SLC4A5: variants seen among roughly 807,000 people sequenced by gnomAD.
SLC4A5 encodes the protein solute carrier family 4 member 5.
A neutral mutation model predicts 120.4 loss-of-function variants in SLC4A5; 96 were observed. The observed-to-expected ratio is 0.80, with a 90% CI of 0.68 to 0.94. The LOEUF (loss-of-function observed/expected upper bound fraction) is 0.94, where lower values mean the gene tolerates loss of function less well. SLC4A5 is among the 40% of genes least tolerant of loss of function. The pLI is 0.00. For synonymous variants in SLC4A5, 550 were observed against 571.1 expected (o/e 0.96, Z 0.53); for missense variants, 1,259 against 1,459.5 (o/e 0.86, Z 2.24).
intron 7 of SLC4A5, among the ~76,000 whole-genome samples, chr2:74,286,672 A>C (rs1671994266): frequency 1.3e-5 from 2 of 152,228 alleles, no homozygotes; most frequent in Non-Finnish European, 2.9e-5. Context: ...CAAGTCAACA[A>C]ATCCATAAAT....
At chr2:74,219,172 T>C (rs1249001932) in intron 30 of SLC4A5, among the ~76,000 whole-genome samples, 1 of 140,280 alleles carries the variant, frequency 7.1e-6, no homozygotes, top group African/African-American at 2.7e-5. Context: ...CTTTGCTCTT[T>C]GGAGGTGTGT....
chr2:74,294,262 C>A (rs546337035), intron 7 of SLC4A5, among the ~76,000 whole-genome samples: 85 of 152,286 alleles, frequency 5.6e-4, no homozygotes, highest in African/African-American at 1.9e-3. Context: ...AGGGCAACAA[C>A]CTCAGTGTGA....
chr2:74,226,682 C>G (rs554856365), intron 27 of SLC4A5, among the ~76,000 whole-genome samples: 3 of 152,128 alleles, frequency 2.0e-5, no homozygotes, highest in African/African-American at 7.2e-5. Flanking sequence ...TTTCTTTCTC[C>G]GTCCCTCCCT....
At chr2:74,274,131 T>C (rs1482322970) in intron 8 of SLC4A5, among the ~76,000 whole-genome samples, 2 of 152,216 alleles carry the variant, frequency 1.3e-5, no homozygotes, top group Non-Finnish European at 2.9e-5. Context: ...ACGAGGTAGG[T>C]CTGTGACTAT....
exon 23 of SLC4A5, chr2:74,233,436 G>C: frequency 6.2e-7 from 1 of 1,614,210 alleles, no homozygotes; most frequent in Middle Eastern, 1.6e-4. Flanking sequence ...GACAATGACG[G>C]CAGTGATCTG....
At position 74,248,490 on chromosome 2, in the gene SLC4A5, G is replaced by A. The variant is rs746248917; in HGVS notation, c.1654-4C>T. The A allele has an allele frequency of 8.1e-6, 13 of 1,613,728 alleles. No homozygotes were observed. The highest frequency in any genetic ancestry group is 1.0e-5 in the Non-Finnish European group (12 of 1,179,902). On this transcript the variant is annotated splice_region_variant and splice_polypyrimidine_tract_variant and intron_variant, in intron 17 of 30. Transcript: ENST00000394019. Reference sequence around the variant, plus strand: ...CCAGGAAGCTCTCCATCACTCCCTGGGGGCACAAGGAATGTGTGGTTCAGC... The same window carrying A: ...CCAGGAAGCTCTCCATCACTCCCTGAGGGCACAAGGAATGTGTGGTTCAGC...
At chr2:74,295,225 G>A (rs1006158107) in intron 7 of SLC4A5, among the ~76,000 whole-genome samples, 2 of 151,936 alleles carry the variant, frequency 1.3e-5, no homozygotes, top group Admixed American at 6.6e-5. Flanking sequence ...ATGGGGGGTG[G>A]GAGTTGCCAA....
chr2:74,225,610 A>T (rs1278404301), intron 27 of SLC4A5, among the ~76,000 whole-genome samples: 3 of 152,168 alleles, frequency 2.0e-5, no homozygotes, highest in African/African-American at 7.2e-5. Flanking sequence ...AAATAAAATA[A>T]ATACATAAAT....
At chr2:74,307,071 A>T (rs1244386594) in intron 6 of SLC4A5, 1 of 566,522 alleles carries the variant, frequency 1.8e-6, no homozygotes, top group African/African-American at 1.9e-5. Context: ...GCTGACCTTC[A>T]GATTTCTCAT....
At chr2:74,318,904 T>C (rs1673029498) in intron 5 of SLC4A5, among the ~76,000 whole-genome samples, 2 of 152,166 alleles carry the variant, frequency 1.3e-5, no homozygotes, top group African/African-American at 4.8e-5. Context: ...CCAGCACTTG[T>C]ATGTTTATTG....
At chr2:74,333,257 C>A (rs548947345) in intron 4 of SLC4A5, among the ~76,000 whole-genome samples, 48 of 152,276 alleles carry the variant, frequency 3.2e-4, no homozygotes, top group African/African-American at 1.1e-3. Context: ...CCCCAACTAT[C>A]AATGGTGCCA....
intron 5 of SLC4A5, among the ~76,000 whole-genome samples, chr2:74,325,326 T>C (rs1357020926): frequency 6.6e-6 from 1 of 152,238 alleles, no homozygotes; most frequent in Non-Finnish European, 1.5e-5. Context: ...AATGTAGCTA[T>C]AATATTCAGG....
At chr2:74,246,863 C>A (rs1049575838) in intron 19 of SLC4A5, among the ~76,000 whole-genome samples, 173 bp downstream of exon 19, 10 of 152,202 alleles carry the variant, frequency 6.6e-5, no homozygotes, top group Non-Finnish European at 1.0e-4. Flanking sequence ...AGCTACTGTC[C>A]CCTTGGTTTC....
At chr2:74,308,957 C>A (rs1672729676) in intron 6 of SLC4A5, among the ~76,000 whole-genome samples, 1 of 151,708 alleles carries the variant, frequency 6.6e-6, no homozygotes, top group Admixed American at 6.6e-5. Flanking sequence ...CTCTGTCATC[C>A]AGACTGGAGT....
chr2:74,252,871 A>G, intron 15 of SLC4A5, 103 bp downstream of exon 15: 4 of 1,377,862 alleles, frequency 2.9e-6, no homozygotes, highest in Non-Finnish European at 4.1e-6. Flanking sequence ...TACAGGCATG[A>G]GCCACTATGC....
At position 74,326,951 on chromosome 2, in the gene SLC4A5, G is replaced by A. The variant is rs905778116; in HGVS notation, c.-3+1169C>T. Among the ~76,000 whole-genome samples, 10 of 152,174 alleles carry A rather than the reference G, an allele frequency of 6.6e-5. No individual in the cohort carries two copies. In the East Asian group the frequency reaches 7.7e-4, roughly 12 times the overall value. ...AGCTAGCTTTAAAGATGTATGACAC[G>A]TTTTAGTCATCAGAGCCCTTGTGAT... On this transcript the variant is annotated intron_variant, in intron 5 of 30. Transcript: ENST00000394019.
chr2:74,252,156 A>C, intron 16 of SLC4A5, 23 bp downstream of exon 16: 1 of 1,608,906 alleles, frequency 6.2e-7, no homozygotes, highest in Admixed American at 1.7e-5. Flanking sequence ...CAGCAGGGTC[A>C]CTGGGAGGCC....
rs754036030 is a variant in SLC4A5, at chr2:74,233,279, C to CA, written c.2595+122_2595+123insT. Reference sequence around the variant, plus strand: ...CCCCTCAACACACCAAGTGGGAACTCTAGTCTCTGTCCTCATATTTTCCTG... The same window carrying CA: ...CCCCTCAACACACCAAGTGGGAACTCATAGTCTCTGTCCTCATATTTTCCTG... On this transcript the variant is annotated intron_variant, in intron 23 of 30. Transcript: ENST00000394019. 2.1e-3 allele frequency: 2,471 copies of CA among 1,163,780 alleles called. 5 individuals carry two copies. Among genetic ancestry groups the CA allele is most frequent in the Non-Finnish European group, 2.7e-3 (2,149 of 794,198 alleles). The allele number at this position is 1,163,780 out of a possible 1,614,324, so 72.1% of individuals were successfully genotyped here.
chr2:74,331,422 A>C (rs993779001), intron 4 of SLC4A5, among the ~76,000 whole-genome samples: 2 of 151,518 alleles, frequency 1.3e-5, no homozygotes, highest in South Asian at 2.1e-4. Context: ...CAAGGTGTAG[A>C]TGGAGGATGT....
Sources: gnomAD v4.1 joint callset for allele counts (sites outside exome capture counted in the v4.1 genomes callset) on GRCh38, gnomAD v4.1.1 for gene constraint, MANE v1.5 for transcripts, NCBI Gene and HGNC (gene_info 2026-07-23, HGNC 2026-07-21) for gene names.